THUMPD2: variants seen among roughly 807,000 people sequenced by gnomAD.
The protein encoded by THUMPD2 is THUMP domain 2 tRNA and snRNA guanosine methyltransferase, also known as U6 snRNA (guanine-N(2))-methyltransferase THUMPD2.
THUMPD2 carries 56 observed loss-of-function variants against 49.4 expected under a neutral mutation model. That is an observed-to-expected ratio of 1.13 (90% CI 0.91 to 1.41). The LOEUF is 1.41. THUMPD2 is among the 40% of genes most tolerant of loss of function. The probability of loss-of-function intolerance (pLI) is 0.00; values close to 1 mark genes in which losing one functional copy is unlikely to be tolerated. For synonymous variants in THUMPD2, 237 were observed against 205.2 expected, an observed-to-expected ratio of 1.15 and a Z score of -1.32; for missense variants, 709 against 594.5, an observed-to-expected ratio of 1.19 and a Z score of -2.00.
chr2:39,757,430 A>G, intron 6 of THUMPD2: 1 of 1,300,950 alleles, frequency 7.7e-7, no homozygotes, highest in Non-Finnish European at 1.0e-6. Flanking sequence ...ACTAAATTTT[A>G]AAGAGAATAT....
At chr2:39,764,620 A>T (rs982767238) in intron 5 of THUMPD2, among the ~76,000 whole-genome samples, 8 of 152,194 alleles carry the variant, frequency 5.3e-5, no homozygotes, top group Admixed American at 5.2e-4. Context: ...ACTTTGTTTC[A>T]TCATTTCAGA....
At chr2:39,774,107 GGT>G (rs1172670765) in intron 1 of THUMPD2, among the ~76,000 whole-genome samples, 1 of 152,208 alleles carries the variant, frequency 6.6e-6, no homozygotes, top group African/African-American at 2.4e-5. Flanking sequence ...AGTAAATGTG[GGT>G]GTGTGTGAGT....
chr2:39,761,765 T>C (rs747501057), intron 5 of THUMPD2, among the ~76,000 whole-genome samples: 16 of 152,166 alleles, frequency 1.1e-4, no homozygotes, highest in Non-Finnish European at 2.1e-4. Flanking sequence ...TTTGAAGTCA[T>C]GAAGGGGAAT....
At chr2:39,737,204 T>A in intron 9 of THUMPD2, 145 bp from the exon 10 acceptor site, 1 of 714,044 alleles carries the variant, frequency 1.4e-6, no homozygotes. Flanking sequence ...TTAGGTAGTA[T>A]CTTCTATAAT....
At chr2:39,752,386 T>C (rs1179042881) in intron 8 of THUMPD2, among the ~76,000 whole-genome samples, 2 of 152,224 alleles carry the variant, frequency 1.3e-5, no homozygotes, top group Admixed American at 6.5e-5. Flanking sequence ...AGTCGGTAAG[T>C]GTTCTTAATT....
intron 9 of THUMPD2, among the ~76,000 whole-genome samples, chr2:39,738,750 T>G (rs191270016): frequency 1.9e-4 from 28 of 151,278 alleles, no homozygotes; most frequent in Admixed American, 8.6e-4. Context: ...GTGATCAGGA[T>G]TATGAGAAAT....
chr2:39,778,832 T>C (rs190764038), intron 1 of THUMPD2, among the ~76,000 whole-genome samples: 1 of 152,360 alleles, frequency 6.6e-6, no homozygotes, highest in Admixed American at 6.5e-5. Flanking sequence ...CAGGCACTAC[T>C]TACTACTTTA....
chr2:39,779,018 G>C lies in THUMPD2; in HGVS notation c.126+96C>G, dbSNP rs555610334. 219 of 1,336,102 alleles carry C rather than the reference G, an allele frequency of 1.6e-4. 3 individuals carry two copies. In the South Asian group the frequency reaches 3.8e-3, roughly 23 times the overall value. The allele number at this position is 1,336,102 out of a possible 1,614,324, so 82.8% of individuals were successfully genotyped here. On this transcript the variant is annotated intron_variant, in intron 1 of 9. Transcript: ENST00000505747. ...CGACCGTCGCGTGGAACAGAGAGGG[G>C]CGCCAGCGACGCTTTCCCGCGTCCA...
chr2:39,764,249 G>C (rs1175127539), intron 5 of THUMPD2, among the ~76,000 whole-genome samples: 1 of 152,188 alleles, frequency 6.6e-6, no homozygotes, highest in Non-Finnish European at 1.5e-5. Context: ...CTGTATCCTA[G>C]AAACAGCAGG....
rs574387870 is a variant in THUMPD2 at position 39,759,958 on chromosome 2, A to G, written c.891+1373T>C. 1.0e-3 allele frequency among the ~76,000 whole-genome samples: 155 copies of G among 152,366 alleles called. 1 individual carries two copies. The highest frequency in any genetic ancestry group is 3.4e-3 in the African/African-American group (142 of 41,592). On this transcript the variant is annotated intron_variant, in intron 6 of 9. Coordinates refer to ENST00000505747, the MANE Select transcript of THUMPD2 (RefSeq NM_025264.5). Reference sequence around the variant, plus strand: ...CCAGAGCAGAGGCCTCAAACAGGGCAAGACAAAGAGAAGAAGAGAAATGGC... The same window carrying G: ...CCAGAGCAGAGGCCTCAAACAGGGCGAGACAAAGAGAAGAAGAGAAATGGC...
chr2:39,777,395 T>C (rs1679260618), intron 1 of THUMPD2, among the ~76,000 whole-genome samples: 1 of 152,132 alleles, frequency 6.6e-6, no homozygotes, highest in Non-Finnish European at 1.5e-5. Context: ...AAGATTCCCA[T>C]GGTAATTTAG....
chr2:39,769,716 A>C lies in THUMPD2; in HGVS notation c.666T>G (p.Thr222=), dbSNP rs1678055599. Residue 222 remains threonine, a synonymous_variant, in exon 3 of 10, where the codon ACT becomes ACG. Transcript: ENST00000505747. ...RCSGTIGKAF[T]AQEVGKVIGI... ...CTTTAGGATGCAAGCATACCTGTGC[A>C]GTGAAGGCCTTTCCAATAGTTCCAC... 2.6e-6 allele frequency: 4 copies of C among 1,558,698 alleles called. No individual in the cohort carries two copies. The South Asian group carries it at 5.0e-5, about 19-fold the overall frequency.
Position 39,766,101 on chromosome 2 carries a change from T to G in THUMPD2, c.759A>C (p.Ile253=), listed in dbSNP as rs553741737. Residue 253 remains isoleucine, a synonymous_variant, in exon 5 of 10, where the codon ATA becomes ATC. Transcript: ENST00000505747. ...DLRNPQLEIF[I]HLNDIYSVVG... ...CCACAGAGTAAATGTCATTTAGATG[T>G]ATAAAGATCTGAAAGAACAAACACA... 1.9e-6 allele frequency: 3 copies of G among 1,576,436 alleles called. No individual in the cohort carries two copies. The South Asian group carries it at 3.6e-5, about 19-fold the overall frequency.
chr2:39,776,847 G>A (rs914128779), intron 1 of THUMPD2, among the ~76,000 whole-genome samples: 15 of 152,298 alleles, frequency 9.8e-5, no homozygotes, highest in South Asian at 6.2e-4. Context: ...TAGCACCTGG[G>A]CTTATCAGCC....
chr2:39,744,889 A>G (rs965940956), intron 8 of THUMPD2, among the ~76,000 whole-genome samples: 1 of 152,080 alleles, frequency 6.6e-6, no homozygotes, highest in African/African-American at 2.4e-5. Flanking sequence ...TTTGAGGGAG[A>G]GGATCCATAG....
rs770137041 is a variant in THUMPD2 at position 39,744,396 on chromosome 2, G to C, written c.1161C>G (p.Ile387Met). ...FGKKFKLGKD[I>M]KSILQEMERV... ...TTTCCATTTCTTGTAGAATGCTTTT[G>C]ATGTCTTTTCCTAACTTAAACTTTT... The change falls in exon 9 of 10, where the codon ATC becomes ATG. Residue 387 changes from isoleucine (I) to methionine (M), a missense_variant. By Grantham distance (10) the Ile-to-Met change is conservative (BLOSUM62 1). Transcript: ENST00000505747. 4 of 1,580,636 alleles carry C rather than the reference G, an allele frequency of 2.5e-6. No homozygotes were observed.
chr2:39,750,206 C>T (rs776248648), intron 8 of THUMPD2, among the ~76,000 whole-genome samples: 1 of 152,226 alleles, frequency 6.6e-6, no homozygotes, highest in African/African-American at 2.4e-5. Flanking sequence ...GTCATTTACA[C>T]TCCCACCAAC....
intron 6 of THUMPD2, among the ~76,000 whole-genome samples, 167 bp from the exon 7 acceptor site, chr2:39,756,127 T>C (rs1284103762): frequency 6.6e-6 from 1 of 151,986 alleles, no homozygotes; most frequent in Non-Finnish European, 1.5e-5. Flanking sequence ...TTTTTTTAAG[T>C]TGAAAGATAT....
At chr2:39,770,729 T>C (rs1052709118) in intron 2 of THUMPD2, among the ~76,000 whole-genome samples, 2 of 152,128 alleles carry the variant, frequency 1.3e-5, no homozygotes, top group Non-Finnish European at 2.9e-5. Flanking sequence ...GATGAATGTG[T>C]GTAGAGTACT....
Sources: gnomAD v4.1 joint callset for allele counts (sites outside exome capture counted in the v4.1 genomes callset) on GRCh38, gnomAD v4.1.1 for gene constraint, MANE v1.5 for transcripts, NCBI Gene and HGNC (gene_info 2026-07-23, HGNC 2026-07-21) for gene names.